The following ZNF385D variants were observed in gnomAD, a reference collection of about 807,000 sequenced individuals.
ZNF385D encodes the protein zinc finger protein 385D.
Under a neutral mutation model 35.8 loss-of-function variants are expected in ZNF385D, and 15 were observed. The observed-to-expected ratio is 0.42, with a 90% CI of 0.28 to 0.64. The LOEUF is 0.64. Ranked by LOEUF, ZNF385D falls within the 30% of genes least tolerant of loss-of-function variation. The probability of loss-of-function intolerance (pLI) is 0.23; values close to 1 mark genes in which losing one functional copy is unlikely to be tolerated. For synonymous variants in ZNF385D, 212 were observed against 186.8 expected, an observed-to-expected ratio of 1.13 and a Z score of -1.10; for missense variants, 474 against 494.6, an observed-to-expected ratio of 0.96 and a Z score of 0.39.
At position 21,646,102 on chromosome 3, in the gene ZNF385D, G is replaced by C. The variant is rs529682012; in HGVS notation, c.165+18784C>G. ...AGGCTGAGGCCAAAGTGTCAGATAA[G>C]TTTTTTTTAAAGAAAGAAAACCTCA... On this transcript the variant is annotated intron_variant, in intron 2 of 7. Coordinates refer to ENST00000281523, the MANE Select transcript of ZNF385D (RefSeq NM_024697.3). The surrounding 1 kb of genome is among the most constrained non-coding windows in gnomAD (Gnocchi z 4.3). Among the ~76,000 whole-genome samples the C allele has an allele frequency of 1.1e-4, 17 of 151,976 alleles. 1 individual carries two copies. Among genetic ancestry groups the C allele is most frequent in the Middle Eastern group, 3.4e-3 (1 of 292 alleles).
At chr3:21,609,382 A>G (rs747576709) in intron 2 of ZNF385D, among the ~76,000 whole-genome samples, 1 of 152,230 alleles carries the variant, frequency 6.6e-6, no homozygotes, top group African/African-American at 2.4e-5. Context: ...TCAGAAGTCT[A>G]GAGTCAATTT....
chr3:22,336,263 T>G (rs1312838994), intron 2 of ZNF385D, among the ~76,000 whole-genome samples: 2 of 152,158 alleles, frequency 1.3e-5, no homozygotes, highest in African/African-American at 4.8e-5. Context: ...AAGCTCTAAG[T>G]AAAATATTTA....
intron 1 of ZNF385D, among the ~76,000 whole-genome samples, chr3:21,725,135 G>C (rs539133585): frequency 2.6e-5 from 4 of 152,082 alleles, no homozygotes; most frequent in Non-Finnish European, 5.9e-5. Context: ...TGAAACCAAA[G>C]AGAACAAAGA....
intron 2 of ZNF385D, among the ~76,000 whole-genome samples, chr3:21,634,967 T>C: frequency 6.6e-6 from 1 of 152,138 alleles, no homozygotes; most frequent in Non-Finnish European, 1.5e-5. Context: ...ATAATTTTAA[T>C]AGGAACAAAC....
rs537038217 is a variant in ZNF385D at position 22,185,869 on chromosome 3, T to C, written c.107-16834A>G. On this transcript the variant is annotated intron_variant, in intron 2 of 5. Transcript: ENST00000494108. ...AATCTGTGCAGATAAAGGGATGTTA[T>C]TGCTGAGTGTATTGTACATTTAACC... Among the ~76,000 whole-genome samples, 11 of 152,324 alleles carry C rather than the reference T, an allele frequency of 7.2e-5. No homozygotes were observed. The South Asian group carries it at 8.3e-4, about 11-fold the overall frequency.
At chr3:21,862,921 A>G (rs1697137107) in intron 3 of ZNF385D, among the ~76,000 whole-genome samples, 1 of 152,132 alleles carries the variant, frequency 6.6e-6, no homozygotes, top group African/African-American at 2.4e-5. Context: ...AGGCAGACTA[A>G]TGTCATCCTA....
At chr3:22,174,256 G>C (rs962290754) in intron 2 of ZNF385D, among the ~76,000 whole-genome samples, 6 of 152,072 alleles carry the variant, frequency 3.9e-5, no homozygotes, top group Admixed American at 1.3e-4. Context: ...ACTTTAACAA[G>C]CCAGGTTACA....
chr3:21,796,579 A>C (rs1013214762), intron 3 of ZNF385D, among the ~76,000 whole-genome samples: 13 of 152,176 alleles, frequency 8.5e-5, no homozygotes, highest in Non-Finnish European at 1.3e-4. Flanking sequence ...GAATCTACAC[A>C]CAGACCTTCA....
chr3:21,951,894 G>T (rs574907721), intron 3 of ZNF385D, among the ~76,000 whole-genome samples: 1 of 151,740 alleles, frequency 6.6e-6, no homozygotes, highest in Admixed American at 6.6e-5. Context: ...TGCAGCACTT[G>T]CATGGAGATA....
chr3:21,746,849 T>G (rs1050754129), intron 1 of ZNF385D, among the ~76,000 whole-genome samples: 2 of 152,126 alleles, frequency 1.3e-5, no homozygotes, highest in African/African-American at 4.8e-5. Context: ...ACCTTGCCAT[T>G]TAAATATTTT....
intron 3 of ZNF385D, among the ~76,000 whole-genome samples, chr3:21,968,911 T>C (rs538944358): frequency 3.3e-5 from 5 of 152,302 alleles, no homozygotes; most frequent in East Asian, 1.9e-4. Flanking sequence ...GAGTACCAAG[T>C]GTTTACTGGG....
chr3:22,098,926 C>G (rs897122615), intron 3 of ZNF385D, among the ~76,000 whole-genome samples: 1 of 151,858 alleles, frequency 6.6e-6, no homozygotes, highest in Non-Finnish European at 1.5e-5. Flanking sequence ...TAACACTTGC[C>G]TACTATTTAA....
intron 2 of ZNF385D, among the ~76,000 whole-genome samples, chr3:22,262,990 C>T (rs1700713197): frequency 6.6e-6 from 1 of 151,982 alleles, no homozygotes; most frequent in Middle Eastern, 3.2e-3. Context: ...CAGACACAGT[C>T]AGACCTATCT....
At position 21,475,102 on chromosome 3, in the gene ZNF385D, G is replaced by C. The variant is rs161198; in HGVS notation, c.439+35759C>G. ...AAAATTTCACAAGAAATTTAGGTTAGGGAAATAATTGTTTTGTTTTATCCC... is the reference window on the plus strand; with the variant it reads ...AAAATTTCACAAGAAATTTAGGTTACGGAAATAATTGTTTTGTTTTATCCC... On this transcript the variant is annotated intron_variant, in intron 4 of 7. Coordinates refer to ENST00000281523, the MANE Select transcript of ZNF385D (RefSeq NM_024697.3). Among the ~76,000 whole-genome samples, 663 of 152,058 alleles carry C rather than the reference G, an allele frequency of 4.4e-3. 5 individuals are homozygous for C. Among genetic ancestry groups the C allele is most frequent in the Non-Finnish European group, 7.4e-3 (505 of 67,920 alleles).
chr3:21,445,649 A>G (rs999709985), intron 4 of ZNF385D, among the ~76,000 whole-genome samples: 1 of 152,194 alleles, frequency 6.6e-6, no homozygotes, highest in Non-Finnish European at 1.5e-5. Context: ...TTCTCTACTC[A>G]TTTAGTATAT....
chr3:22,129,644 TG>T (rs1278759939), intron 3 of ZNF385D, among the ~76,000 whole-genome samples: 1 of 152,062 alleles, frequency 6.6e-6, no homozygotes, highest in Non-Finnish European at 1.5e-5. Context: ...TGGATATCAC[TG>T]GTGTTTATTC....
chr3:21,851,340 C>T (rs776321023), intron 3 of ZNF385D, among the ~76,000 whole-genome samples: 12 of 152,150 alleles, frequency 7.9e-5, no homozygotes, highest in Admixed American at 2.0e-4. Context: ...GTGAAAGTTA[C>T]AGTTGCTTTA....
chr3:21,637,843 A>G (rs1403552661), intron 2 of ZNF385D, among the ~76,000 whole-genome samples: 1 of 152,102 alleles, frequency 6.6e-6, no homozygotes, highest in Admixed American at 6.6e-5. Context: ...TAAAGGAGAA[A>G]TTAAATTTTA....
intron 1 of ZNF385D, among the ~76,000 whole-genome samples, chr3:21,683,403 G>T (rs2066979037): frequency 6.7e-6 from 1 of 149,678 alleles, no homozygotes; most frequent in Non-Finnish European, 1.5e-5. Flanking sequence ...TGGATCACGA[G>T]GTCAGGAGAT....
Sources: gnomAD v4.1 joint callset for allele counts (sites outside exome capture counted in the v4.1 genomes callset) on GRCh38, gnomAD v4.1.1 for gene constraint, Gnocchi (gnomAD v3.1) non-coding constraint, MANE v1.5 for transcripts, NCBI Gene and HGNC (gene_info 2026-07-23, HGNC 2026-07-21) for gene names.